Variants in GAPDHS observed in about 807,000 individuals in gnomAD.
GAPDHS encodes the protein glyceraldehyde-3-phosphate dehydrogenase, testis-specific.
A neutral mutation model predicts 48.7 loss-of-function variants in GAPDHS; 42 were observed. The observed-to-expected ratio is 0.86, with a 90% CI of 0.67 to 1.12. The LOEUF is 1.12. Ranked by LOEUF, GAPDHS falls within the 50% of genes most tolerant of loss-of-function variation. The pLI, the probability that GAPDHS is intolerant of heterozygous loss-of-function variation, is 0.00. For synonymous variants in GAPDHS, 166 were observed against 219.1 expected, an observed-to-expected ratio of 0.76 and a Z score of 2.14; for missense variants, 512 against 557.7, an observed-to-expected ratio of 0.92 and a Z score of 0.82.
At chr19:35,543,563 C>G in intron 8 of GAPDHS, 72 bp downstream of exon 8, 1 of 1,573,986 alleles carries the variant, frequency 6.4e-7, no homozygotes, top group South Asian at 1.2e-5. Flanking sequence ...GGCCCTCAGT[C>G]CTTAAGAGGA....
intron 9 of GAPDHS, chr19:35,544,496 G>A (rs2071530660): frequency 5.0e-6 from 1 of 201,944 alleles, no homozygotes; most frequent in African/African-American, 2.3e-5. Context: ...ATGACACTAG[G>A]GCTAAAACCC....
At chr19:35,538,036 A>G (rs2071476896) in intron 2 of GAPDHS, among the ~76,000 whole-genome samples, 1 of 152,138 alleles carries the variant, frequency 6.6e-6, no homozygotes, top group Admixed American at 6.5e-5. Context: ...AGATAGCGCC[A>G]CTGCACTCCA....
In GAPDHS at chr19:35,536,963, C is replaced by T. The variant is rs771170102; in HGVS notation, c.218C>T (p.Ala73Val). The T allele has an allele frequency of 1.2e-6, 2 of 1,613,952 alleles. No individual in the cohort carries two copies. Among genetic ancestry groups the T allele is most frequent in the South Asian group, 1.1e-5 (1 of 91,048 alleles). ...ATPPPKMVSVARELTVGINGF... is the reference protein window; with the variant it reads ...ATPPPKMVSVVRELTVGINGF... Reference sequence around the variant, plus strand: ...CCTCCTCCTAAGATGGTGTCTGTGGCCCGGGAGCTGACTGTGGGCATCAAT... The same window carrying T: ...CCTCCTCCTAAGATGGTGTCTGTGGTCCGGGAGCTGACTGTGGGCATCAAT... The change falls in exon 2 of 11, where the codon GCC (alanine) becomes GTC (valine). Residue 73 changes from alanine (A) to valine (V), a missense_variant. Transcript: ENST00000222286.
chr19:35,543,230 G>T (rs1374766377), intron 7 of GAPDHS, 110 bp from the exon 8 acceptor site: 9 of 1,296,558 alleles, frequency 6.9e-6, no homozygotes, highest in African/African-American at 2.9e-5. Flanking sequence ...GTGGTCTGTG[G>T]TGGTGGCCCC....
chr19:35,536,136 G>A (rs970242287), intron 1 of GAPDHS, among the ~76,000 whole-genome samples: 3 of 152,148 alleles, frequency 2.0e-5, no homozygotes, highest in South Asian at 2.1e-4. Context: ...ACTAATGCAT[G>A]TCAAACATTT....
chr19:35,534,881 G>C (rs1281942673), intron 1 of GAPDHS, among the ~76,000 whole-genome samples: 2 of 150,914 alleles, frequency 1.3e-5, no homozygotes, highest in Non-Finnish European at 3.0e-5. Context: ...CCCCCCAGGT[G>C]CCTTTGATTT....
At position 35,542,591 on chromosome 19, in the gene GAPDHS, C is replaced by T; in HGVS notation, c.642C>T (p.Gly214=). The part of the protein sequence containing the change: ...MGVNENDYNP[G]SMNIVSNASC... ...TCAATGAAAATGACTATAACCCTGG[C>T]TCCATGAACATTGTGAGGTAATGTG... The change falls in exon 6 of 11, where the codon GGC becomes GGT. Residue 214 remains glycine, a synonymous_variant. Coordinates refer to ENST00000222286, the MANE Select transcript of GAPDHS (RefSeq NM_014364.5). 2.5e-6 allele frequency: 4 copies of T among 1,609,872 alleles called. No homozygotes were observed. Among genetic ancestry groups the T allele is most frequent in the Middle Eastern group, 1.7e-4 (1 of 6,050 alleles).
intron 2 of GAPDHS, among the ~76,000 whole-genome samples, chr19:35,537,631 G>GGTGT (rs2071474216): frequency 6.6e-6 from 1 of 152,236 alleles, no homozygotes; most frequent in Non-Finnish European, 1.5e-5. Context: ...TGTAAACCCA[G>GGTGT]CACTTTGGGA....
At position 35,535,222 on chromosome 19, in the gene GAPDHS, G is replaced by A. The variant is rs557242974; in HGVS notation, c.68-1591G>A. On this transcript the variant is annotated intron_variant, in intron 1 of 10. Coordinates refer to ENST00000222286, the MANE Select transcript of GAPDHS (RefSeq NM_014364.5). ...TCAAGCCCTCCTCTGTAGCTCAGGC[G>A]GCTGCTACCTCCAGGCGCAGGTGTT... 3.3e-5 allele frequency among the ~76,000 whole-genome samples: 5 copies of A among 152,216 alleles called. No individual in the cohort carries two copies. The South Asian group carries it at 8.3e-4, about 25-fold the overall frequency.
intron 1 of GAPDHS, among the ~76,000 whole-genome samples, chr19:35,534,236 G>A (rs1421384951): frequency 5.3e-5 from 8 of 152,164 alleles, no homozygotes; most frequent in Admixed American, 5.2e-4. Flanking sequence ...CTAGCCGGAG[G>A]AACCAGGTCT....
chr19:35,541,949 G>A (rs530319034), intron 4 of GAPDHS: 16 of 239,154 alleles, frequency 6.7e-5, no homozygotes, highest in African/African-American at 3.2e-4. Context: ...GAAAGCAGCC[G>A]GGCAGGCCTC....
rs369464387 is a variant in GAPDHS at position 35,543,701 on chromosome 19, G to C, written c.930G>C (p.Pro310=). ...GGATGGCGTTCCGGGTACCAACCCC[G>C]GATGTGTCTGTCGTGGACCTGACCT... The part of the protein sequence containing the change: ...LTGMAFRVPT[P]DVSVVDLTCR... The change falls in exon 9 of 11, where the codon CCG becomes CCC. Residue 310 remains proline, a synonymous_variant. Transcript: ENST00000222286. 1.9e-6 allele frequency: 3 copies of C among 1,614,062 alleles called. No individual in the cohort carries two copies. The East Asian group carries it at 6.7e-5, about 36-fold the overall frequency.
At position 35,545,202 on chromosome 19, in the gene GAPDHS, G is replaced by A. The variant is rs751595998; in HGVS notation, c.*32G>A. On this transcript the variant is annotated 3_prime_UTR_variant, in exon 11 of 11. Coordinates refer to ENST00000222286, the MANE Select transcript of GAPDHS (RefSeq NM_014364.5). ...AAGGTCCTTTCTTTCCTTCCCAGGGGCCGGGGCCGGAACATGTGCCTCCCG... is the reference window on the plus strand; with the variant it reads ...AAGGTCCTTTCTTTCCTTCCCAGGGACCGGGGCCGGAACATGTGCCTCCCG... 3.2e-6 allele frequency: 5 copies of A among 1,576,440 alleles called. No homozygotes were observed. The South Asian group carries it at 4.4e-5, about 14-fold the overall frequency.
intron 2 of GAPDHS, among the ~76,000 whole-genome samples, chr19:35,537,843 G>GGC (rs758093745): frequency 2.6e-5 from 4 of 152,350 alleles, no homozygotes; most frequent in South Asian, 2.1e-4. Flanking sequence ...GGGAGGCCAA[G>GGC]GCGGGTCTAT....
At chr19:35,543,314 T>A in intron 7 of GAPDHS, 26 bp from the exon 8 acceptor site, 1 of 1,606,354 alleles carries the variant, frequency 6.2e-7, no homozygotes, top group Non-Finnish European at 8.5e-7. Context: ...CATGAAGGCC[T>A]CATCTTGGTC....
In GAPDHS at chr19:35,538,609, C is replaced by T. The variant is rs1248299660; in HGVS notation, c.375C>T (p.Gly125=). The T allele has an allele frequency of 6.2e-7, 1 of 1,611,400 alleles. No homozygotes were observed. The highest frequency in any genetic ancestry group is 1.7e-5 in the Admixed American group (1 of 60,002). ...TGTTTAAGTATGACTCCACCCACGG[C>T]CGATACAAGGGAAGTGTGGAATTCA... ...VYMFKYDSTH[G]RYKGSVEFRN... is the part of the protein sequence containing the mutation. The change falls in exon 4 of 11, where the codon GGC becomes GGT. Residue 125 remains glycine, a synonymous_variant. Transcript: ENST00000222286.
chr19:35,544,592 C>T, intron 9 of GAPDHS: 1 of 386,380 alleles, frequency 2.6e-6, no homozygotes, highest in Non-Finnish European at 4.8e-6. Flanking sequence ...TCATCTAGAC[C>T]CAGGCTCATG....
chr19:35,537,660 C>CTTTGAGACCAGGAG (rs2071474377), intron 2 of GAPDHS, among the ~76,000 whole-genome samples: 1 of 151,746 alleles, frequency 6.6e-6, no homozygotes, highest in South Asian at 2.1e-4. Context: ...TAGGAGAATC[C>CTTTGAGACCAGGAG]TTTGAGACCA....
In GAPDHS at chr19:35,542,374, T is replaced by A. The variant is rs1405249368; in HGVS notation, c.505T>A (p.Ser169Thr). Residue 169 changes from serine (S) to threonine (T), a missense_variant, in exon 5 of 11, where the codon TCC becomes ACC. Physicochemically the swap from Ser to Thr is moderately conservative, Grantham distance 58. Transcript: ENST00000222286. ...RAVGSPYVVE[S>T]TGVYLSIQAA... ...TGTCGGGAGCCCCTACGTGGTGGAG[T>A]CCACAGGCGTGTACCTCTCCATACA... 6.2e-7 allele frequency: 1 copy of A among 1,611,984 alleles called. No individual in the cohort carries two copies. The highest frequency in any genetic ancestry group is 1.3e-5 in the African/African-American group (1 of 74,746).
Sources: allele counts gnomAD v4.1 joint callset (sites outside exome capture counted in the v4.1 genomes callset), GRCh38; gene constraint gnomAD v4.1.1; transcripts MANE v1.5; gene names NCBI Gene and HGNC (gene_info 2026-07-23, HGNC 2026-07-21).